Variants in PRKG1 observed in about 807,000 individuals in gnomAD.
PRKG1 encodes the protein cGMP-dependent protein kinase 1.
In PRKG1, 35 loss-of-function variants were observed where a neutral mutation model predicts 88.1. That is an observed-to-expected ratio of 0.40 (90% CI 0.30 to 0.53). The LOEUF (loss-of-function observed/expected upper bound fraction) is 0.53. Among genes scored for constraint, PRKG1 ranks in the 20% least tolerant of loss-of-function variants. The pLI is 0.59. For missense variants in PRKG1, 540 were observed against 839.8 expected, an observed-to-expected ratio of 0.64 and a Z score of 4.41; for synonymous variants, 303 against 292.5, an observed-to-expected ratio of 1.04 and a Z score of -0.37.
intron 3 of PRKG1, among the ~76,000 whole-genome samples, chr10:51,627,634 G>A (rs766019344): frequency 1.3e-5 from 2 of 152,134 alleles, no homozygotes; most frequent in Non-Finnish European, 2.9e-5. Context: ...CAGTTGGAAG[G>A]CAGAACACCA....
intron 3 of PRKG1, among the ~76,000 whole-genome samples, chr10:51,775,513 T>C (rs61849999): frequency 7.8e-4 from 118 of 152,170 alleles, no homozygotes; most frequent in Non-Finnish European, 1.3e-3. Flanking sequence ...GTAGATGATT[T>C]TGTGAAGGGA....
chr10:51,848,298 A>G lies in PRKG1; in HGVS notation c.698+43608A>G, dbSNP rs567914364. Among the ~76,000 whole-genome samples the G allele has an allele frequency of 1.2e-3, 177 of 152,312 alleles. 1 individual carries two copies. The highest frequency in any genetic ancestry group is 3.9e-3 in the African/African-American group (163 of 41,566). On this transcript the variant is annotated intron_variant, in intron 4 of 17. Transcript: ENST00000373980. ...TTGGGGTTGGTATAAACATATTTTT[A>G]GATGTAACATGGAGAAAAAAATAAC...
chr10:51,453,704 T>C (rs1839503049), intron 2 of PRKG1, among the ~76,000 whole-genome samples: 2 of 152,158 alleles, frequency 1.3e-5, no homozygotes, highest in South Asian at 4.2e-4. Context: ...GTTAAGTTTA[T>C]TGAGATGTAT....
chr10:51,300,690 T>G (rs1193917058), intron 2 of PRKG1, among the ~76,000 whole-genome samples: 1 of 152,220 alleles, frequency 6.6e-6, no homozygotes, highest in Non-Finnish European at 1.5e-5. Flanking sequence ...AATGGTACCT[T>G]CTTTTACAAA....
intron 3 of PRKG1, among the ~76,000 whole-genome samples, chr10:51,598,178 G>T (rs1028262872): frequency 7.9e-5 from 12 of 152,266 alleles, no homozygotes; most frequent in Admixed American, 7.9e-4. Context: ...TTACCCTTTG[G>T]AGTTTCCATC....
At chr10:51,827,992 G>A in intron 4 of PRKG1, among the ~76,000 whole-genome samples, 1 of 152,048 alleles carries the variant, frequency 6.6e-6, no homozygotes, top group Middle Eastern at 3.2e-3. Context: ...TTGAGACTGT[G>A]GACAACTACT....
chr10:51,405,658 T>C (rs1454676811), intron 2 of PRKG1, among the ~76,000 whole-genome samples: 1 of 152,212 alleles, frequency 6.6e-6, no homozygotes, highest in Non-Finnish European at 1.5e-5. Flanking sequence ...ATTTGGCTCT[T>C]GTAGACAGCA....
intron 1 of PRKG1, among the ~76,000 whole-genome samples, chr10:51,027,387 G>A (rs946660316): frequency 6.6e-6 from 1 of 152,152 alleles, no homozygotes; most frequent in Non-Finnish European, 1.5e-5. Flanking sequence ...CAATGGATGG[G>A]CCATTTATCT....
chr10:51,531,988 C>T (rs1016292970), intron 3 of PRKG1, among the ~76,000 whole-genome samples: 5 of 152,108 alleles, frequency 3.3e-5, no homozygotes, highest in Admixed American at 2.6e-4. Context: ...TCGATTTCTG[C>T]TAGTCCCAGT....
chr10:51,301,772 C>T (rs1209726366), intron 2 of PRKG1, among the ~76,000 whole-genome samples: 2 of 152,178 alleles, frequency 1.3e-5, no homozygotes, highest in Non-Finnish European at 2.9e-5. Flanking sequence ...ATCCTGTCTC[C>T]TGAGCCTCCC....
intron 3 of PRKG1, among the ~76,000 whole-genome samples, chr10:51,510,144 GA>G (rs1841350076): frequency 6.6e-6 from 1 of 152,066 alleles, no homozygotes; most frequent in Non-Finnish European, 1.5e-5. Flanking sequence ...CTGTGAGGAA[GA>G]AAAATTGACC....
intron 3 of PRKG1, among the ~76,000 whole-genome samples, chr10:51,772,185 T>C (rs1838321157): frequency 6.6e-6 from 1 of 152,146 alleles, no homozygotes; most frequent in African/African-American, 2.4e-5. Flanking sequence ...GTAAATTGAC[T>C]CAAGCTTTCT....
intron 5 of PRKG1, among the ~76,000 whole-genome samples, chr10:52,036,114 A>G (rs12570080): frequency 0.059 from 8,867 of 151,358 alleles, 672 homozygotes; most frequent in East Asian, 0.44. Flanking sequence ...TTGAAGTAAT[A>G]GGGGCTGTCT....
Position 50,991,325 on chromosome 10 carries a change from C to T in PRKG1, c.-54C>T, listed in dbSNP as rs1176060264. On this transcript the variant is annotated 5_prime_UTR_variant, in exon 1 of 18. Transcript: ENST00000401604. The surrounding 1 kb of genome is among the most constrained non-coding windows in gnomAD (Gnocchi z 4.5). ...CTGCCGTCCCAGCCGCCGCCGCCGC[C>T]GCCGCCGCCGCCGCCGCCCGAGAAA... 4.0e-6 allele frequency: 6 copies of T among 1,483,674 alleles called. No homozygotes were observed. Among genetic ancestry groups the T allele is most frequent in the South Asian group, 3.9e-5 (3 of 77,476 alleles). 91.9% of individuals were successfully genotyped at this position (1,483,674 alleles called of 1,614,324 possible).
chr10:51,744,056 A>G (rs895271665), intron 3 of PRKG1, among the ~76,000 whole-genome samples: 3 of 151,878 alleles, frequency 2.0e-5, no homozygotes, highest in Admixed American at 2.0e-4. Flanking sequence ...AATTTCTTGT[A>G]CTGTAAACCA....
intron 3 of PRKG1, among the ~76,000 whole-genome samples, chr10:51,498,321 A>G (rs1174305996): frequency 6.6e-6 from 1 of 152,230 alleles, no homozygotes; most frequent in Non-Finnish European, 1.5e-5. Context: ...CAGAAAAACA[A>G]CATGGAGTAG....
At chr10:51,885,548 G>A (rs7908692) in intron 4 of PRKG1, among the ~76,000 whole-genome samples, 63,098 of 151,870 alleles carry the variant, frequency 0.42, 13,421 homozygotes, top group East Asian at 0.62. Context: ...GCTCTTTACC[G>A]TTAGACACCT....
At position 51,615,602 on chromosome 10, in the gene PRKG1, G is replaced by T. The variant is rs185399350; in HGVS notation, c.592+147766G>T. Among the ~76,000 whole-genome samples the T allele has an allele frequency of 1.1e-3, 146 of 133,236 alleles. 1 individual carries two copies. The highest frequency in any genetic ancestry group is 4.0e-3 in the African/African-American group (146 of 36,532). 87.4% of individuals were successfully genotyped at this position (133,236 alleles called of 152,430 possible). A position where few individuals can be genotyped will look rare whatever the true frequency, so the allele number is the denominator to read the frequency against. On this transcript the variant is annotated intron_variant, in intron 3 of 17. Coordinates refer to ENST00000373980, the MANE Select transcript of PRKG1 (RefSeq NM_006258.4). ...CTTCTGCTTGATCTAGTCTATTTTT[G>T]AAACTTTCAATCTATTTTGTTCAAT... is the stretch of plus-strand genomic sequence containing the variant.
chr10:52,078,474 C>A (rs1465799496), intron 7 of PRKG1, among the ~76,000 whole-genome samples: 2 of 152,126 alleles, frequency 1.3e-5, no homozygotes, highest in African/African-American at 4.8e-5. Context: ...CATTTCATAT[C>A]ATTCTAACTT....
Sources: gnomAD v4.1 joint callset for allele counts (sites outside exome capture counted in the v4.1 genomes callset) on GRCh38, gnomAD v4.1.1 for gene constraint, Gnocchi (gnomAD v3.1) non-coding constraint, MANE v1.5 for transcripts, NCBI Gene and HGNC (gene_info 2026-07-23, HGNC 2026-07-21) for gene names.